The following TRPM3 variants were observed in gnomAD, a reference collection of about 807,000 sequenced individuals.
The protein encoded by TRPM3 is transient receptor potential cation channel subfamily M member 3, also known as long transient receptor potential channel 3.
Under a neutral mutation model 181.2 loss-of-function variants are expected in TRPM3, and 77 were observed. That is an observed-to-expected ratio of 0.42 (90% CI 0.35 to 0.51). TRPM3 has a LOEUF of 0.51. Ranked by LOEUF, TRPM3 falls within the 20% of genes least tolerant of loss-of-function variation. The pLI is 0.01. For synonymous variants in TRPM3, 745 were observed against 796.4 expected (o/e 0.94, Z 1.09); for missense variants, 1,759 against 2,196.7 (o/e 0.80, Z 3.98).
At chr9:70,832,926 G>A (rs2094039803) in intron 5 of TRPM3, among the ~76,000 whole-genome samples, 1 of 152,198 alleles carries the variant, frequency 6.6e-6, no homozygotes, top group South Asian at 2.1e-4. Flanking sequence ...AATATAGTGT[G>A]TGATAAATAT....
chr9:71,403,357 G>A (rs1588872966), intron 1 of TRPM3, among the ~76,000 whole-genome samples: 1 of 152,158 alleles, frequency 6.6e-6, no homozygotes, highest in Non-Finnish European at 1.5e-5. Context: ...CTGTTCTAGA[G>A]AAAGAAGCAA....
chr9:71,331,101 C>T (rs2090075569), intron 1 of TRPM3, among the ~76,000 whole-genome samples: 1 of 151,710 alleles, frequency 6.6e-6, no homozygotes, highest in Non-Finnish European at 1.5e-5. Context: ...TATAGTTGAT[C>T]TTAAAGAATA....
chr9:71,137,842 C>T (rs934847104), intron 1 of TRPM3, among the ~76,000 whole-genome samples: 9 of 152,052 alleles, frequency 5.9e-5, no homozygotes, highest in Non-Finnish European at 1.3e-4. Context: ...ATAGGTTGGG[C>T]GAGGTGGCTC....
chr9:70,837,781 C>G (rs1403946960), intron 5 of TRPM3, among the ~76,000 whole-genome samples: 1 of 152,184 alleles, frequency 6.6e-6, no homozygotes, highest in Non-Finnish European at 1.5e-5. Context: ...TCCGGTCATG[C>G]ATCGAGTCTG....
chr9:71,146,044 A>C (rs555348793), intron 1 of TRPM3, among the ~76,000 whole-genome samples: 2 of 152,322 alleles, frequency 1.3e-5, no homozygotes, highest in East Asian at 3.9e-4. Flanking sequence ...TTTTAGGCAT[A>C]TTTCTACTGT....
intron 1 of TRPM3, among the ~76,000 whole-genome samples, chr9:70,940,824 GGAGA>G (rs1051701825): frequency 9.2e-5 from 14 of 152,122 alleles, no homozygotes; most frequent in African/African-American, 3.4e-4. Flanking sequence ...AATGCCTTGA[GGAGA>G]GAAAGAACTT....
chr9:70,890,947 C>G (rs1017653882), intron 1 of TRPM3, among the ~76,000 whole-genome samples: 58 of 151,384 alleles, frequency 3.8e-4, no homozygotes, highest in Non-Finnish European at 6.8e-4. Context: ...ACAACAAACA[C>G]AAACACAACT....
intron 16 of TRPM3, among the ~76,000 whole-genome samples, chr9:70,619,730 T>C (rs1448541162): frequency 6.6e-6 from 1 of 152,120 alleles, no homozygotes; most frequent in African/African-American, 2.4e-5. Flanking sequence ...TCCTGTTAAA[T>C]GTGTCAAACT....
At chr9:70,562,172 T>C in intron 22 of TRPM3, among the ~76,000 whole-genome samples, 1 of 152,204 alleles carries the variant, frequency 6.6e-6, no homozygotes, top group East Asian at 1.9e-4. Context: ...ACAAAGGTTA[T>C]AAACTAGTGA....
chr9:71,422,458 C>T (rs748169085), intron 1 of TRPM3, among the ~76,000 whole-genome samples: 3 of 152,006 alleles, frequency 2.0e-5, no homozygotes, highest in Non-Finnish European at 4.4e-5. Context: ...CTGAGTTAGG[C>T]CTAGTGGCAA....
chr9:71,221,151 T>G (rs2080215651), intron 1 of TRPM3, among the ~76,000 whole-genome samples: 1 of 152,142 alleles, frequency 6.6e-6, no homozygotes, highest in African/African-American at 2.4e-5. Context: ...CTAGATTAGG[T>G]TTCTGTAAAT....
At chr9:71,056,682 T>C (rs759195986) in intron 1 of TRPM3, among the ~76,000 whole-genome samples, 20 of 152,016 alleles carry the variant, frequency 1.3e-4, no homozygotes, top group Non-Finnish European at 8.8e-5. Flanking sequence ...CAGACAGGCA[T>C]AGAGGGAAGA....
At chr9:71,011,954 T>A (rs1003114146) in intron 1 of TRPM3, among the ~76,000 whole-genome samples, 5 of 151,730 alleles carry the variant, frequency 3.3e-5, no homozygotes, top group African/African-American at 4.9e-5. Context: ...CTAATTTTTT[T>A]ATATTTTTAG....
chr9:70,835,562 T>C (rs759249555), intron 5 of TRPM3, among the ~76,000 whole-genome samples: 6 of 151,972 alleles, frequency 3.9e-5, no homozygotes, highest in Non-Finnish European at 8.8e-5. Context: ...CCACTCACTC[T>C]CCTCACACCT....
chr9:70,738,216 G>A (rs542060209), intron 8 of TRPM3, among the ~76,000 whole-genome samples: 2 of 152,106 alleles, frequency 1.3e-5, no homozygotes, highest in South Asian at 4.2e-4. Flanking sequence ...AACTCCAAAG[G>A]AACCCACAAA....
chr9:70,663,140 T>C (rs1304151764), intron 9 of TRPM3, among the ~76,000 whole-genome samples: 1 of 152,122 alleles, frequency 6.6e-6, no homozygotes, highest in Non-Finnish European at 1.5e-5. Context: ...AACTCAGGAA[T>C]GGAAAACCGA....
chr9:71,153,814 A>C (rs929905832), intron 1 of TRPM3, among the ~76,000 whole-genome samples: 1 of 152,138 alleles, frequency 6.6e-6, no homozygotes, highest in African/African-American at 2.4e-5. Context: ...CAACAGGGAA[A>C]TGAAATTCTA....
chr9:70,841,791 G>A (rs1045734343), intron 5 of TRPM3, among the ~76,000 whole-genome samples: 4 of 150,734 alleles, frequency 2.7e-5, no homozygotes, highest in Admixed American at 2.7e-4. Flanking sequence ...CAGCAACATG[G>A]ATGGAACTGG....
In TRPM3 at chr9:70,625,267, A is replaced by G. The variant is rs765415554; in HGVS notation, c.1733T>C (p.Met578Thr). ...GTAGTTGCAGCGATAAGCCCCGCCC[A>G]TCAGGTACTCGATCACCAGGCCGAT... ...IDIGLVIEYL[M>T]GGAYRCNYTR... The change falls in exon 14 of 26, where the codon ATG becomes ACG. Residue 578 changes from methionine to threonine, a missense_variant. Met to Thr is a moderately conservative substitution (Grantham distance 81). Transcript: ENST00000677713. The surrounding 1 kb of genome is among the most constrained non-coding windows in gnomAD (Gnocchi z 4.8). The G allele has an allele frequency of 1.9e-6, 3 of 1,614,170 alleles. No individual in the cohort carries two copies. The highest frequency in any genetic ancestry group is 1.7e-6 in the Non-Finnish European group (2 of 1,180,032).
Sources: gnomAD v4.1 joint callset for allele counts (sites outside exome capture counted in the v4.1 genomes callset) on GRCh38, gnomAD v4.1.1 for gene constraint, Gnocchi (gnomAD v3.1) non-coding constraint, MANE v1.5 for transcripts, NCBI Gene and HGNC (gene_info 2026-07-23, HGNC 2026-07-21) for gene names.